STK39: variants seen among roughly 807,000 people sequenced by gnomAD.
STK39 encodes serine/threonine kinase 39.
A neutral mutation model predicts 77.8 loss-of-function variants in STK39; 20 were observed. The observed-to-expected ratio is 0.26, with a 90% CI of 0.18 to 0.37. The LOEUF (loss-of-function observed/expected upper bound fraction) is 0.37, where lower values mean the gene tolerates loss of function less well. Among genes scored for constraint, STK39 ranks in the 10% least tolerant of loss-of-function variants. The pLI is 1.00. For synonymous variants in STK39, 246 were observed against 234.1 expected (o/e 1.05, Z -0.47); for missense variants, 479 against 656.5 (o/e 0.73, Z 2.95).
intron 10 of STK39, among the ~76,000 whole-genome samples, chr2:168,096,930 G>C (rs6705543): frequency 0.32 from 48,806 of 151,996 alleles, 8,092 homozygotes; most frequent in Admixed American, 0.38. Flanking sequence ...CCTTTCAATG[G>C]GTATAAACGT....
At chr2:168,061,261 A>G (rs1386243700) in intron 14 of STK39, among the ~76,000 whole-genome samples, 1 of 151,598 alleles carries the variant, frequency 6.6e-6, no homozygotes, top group Admixed American at 6.6e-5. Flanking sequence ...AAAAAACCAC[A>G]TTATCTTAAT....
At chr2:168,242,848 G>A (rs976213707) in intron 1 of STK39, among the ~76,000 whole-genome samples, 9 of 149,202 alleles carry the variant, frequency 6.0e-5, no homozygotes, top group Non-Finnish European at 8.9e-5. Flanking sequence ...AGGTATGATT[G>A]CACCACTGCA....
At position 168,229,522 on chromosome 2, in the gene STK39, CA is replaced by C. The variant is rs1261914350; in HGVS notation, c.208+17705del. Among the ~76,000 whole-genome samples the C allele has an allele frequency of 2.0e-5, 3 of 152,016 alleles. No individual in the cohort carries two copies. In the East Asian group the frequency reaches 5.8e-4, roughly 29 times the overall value. On this transcript the variant is annotated intron_variant, in intron 1 of 17. Coordinates refer to ENST00000355999, the MANE Select transcript of STK39 (RefSeq NM_013233.3). ...TCTGTAATTCTGTCAGTAACTATTA[CA>C]AAGCTTCTAATATTTCTATCCTAAT...
intron 1 of STK39, among the ~76,000 whole-genome samples, chr2:168,194,002 C>T (rs536538122): frequency 5.3e-5 from 8 of 152,314 alleles, no homozygotes; most frequent in Non-Finnish European, 8.8e-5. Context: ...GATGCCTCGG[C>T]GTCAGGGACA....
chr2:168,228,609 G>A (rs1479930243), intron 1 of STK39, among the ~76,000 whole-genome samples: 2 of 151,932 alleles, frequency 1.3e-5, no homozygotes, highest in South Asian at 2.1e-4. Context: ...TGACCAACAT[G>A]GTGAAACCCC....
intron 1 of STK39, among the ~76,000 whole-genome samples, chr2:168,221,831 G>GATAATTAACC (rs140973674): frequency 0.21 from 31,212 of 151,936 alleles, 3,947 homozygotes; most frequent in Non-Finnish European, 0.29. Context: ...AGAGATGGAG[G>GATAATTAACC]ATAATTAACC....
chr2:168,041,519 G>A (rs1245178253), intron 14 of STK39, among the ~76,000 whole-genome samples: 4 of 151,854 alleles, frequency 2.6e-5, no homozygotes, highest in Non-Finnish European at 5.9e-5. Flanking sequence ...TCTACAGTAT[G>A]TCTGCAAGTG....
intron 10 of STK39, among the ~76,000 whole-genome samples, chr2:168,081,726 C>A (rs532232090): frequency 6.6e-6 from 1 of 152,128 alleles, no homozygotes; most frequent in South Asian, 2.1e-4. Context: ...CCACAGTTCC[C>A]ACATGTCACA....
At chr2:168,057,306 C>A (rs956083399) in intron 14 of STK39, among the ~76,000 whole-genome samples, 1 of 152,184 alleles carries the variant, frequency 6.6e-6, no homozygotes, top group Admixed American at 6.5e-5. Context: ...AATTCTCGTG[C>A]CTCAGCCTCC....
At chr2:168,091,880 C>G (rs912093330) in intron 10 of STK39, among the ~76,000 whole-genome samples, 10 of 152,170 alleles carry the variant, frequency 6.6e-5, no homozygotes, top group African/African-American at 2.4e-4. Context: ...CAGTATGCTT[C>G]TCTGATAAGG....
Position 168,028,107 on chromosome 2 carries a change from C to T in STK39, c.1377-11012G>A, listed in dbSNP as rs144923060. 7.2e-3 allele frequency among the ~76,000 whole-genome samples: 1,093 copies of T among 152,274 alleles called. 10 individuals are homozygous for T. Among genetic ancestry groups the T allele is most frequent in the African/African-American group, 0.025 (1,039 of 41,548 alleles). ...TGGCTGTTTCCTCTCCCTAACCTTA[C>T]CCACTCTTCAACCTAAACAACCATG... On this transcript the variant is annotated intron_variant, in intron 14 of 17. Coordinates refer to ENST00000355999, the MANE Select transcript of STK39 (RefSeq NM_013233.3).
intron 16 of STK39, among the ~76,000 whole-genome samples, chr2:167,986,494 T>C (rs1031493617): frequency 6.6e-6 from 1 of 152,040 alleles, no homozygotes; most frequent in South Asian, 2.1e-4. Flanking sequence ...ATATGAAACA[T>C]AAAAAAAGTG....
chr2:168,090,291 T>TTGAATGAATGAA (rs35981068), intron 10 of STK39, among the ~76,000 whole-genome samples: 1 of 151,514 alleles, frequency 6.6e-6, no homozygotes, highest in East Asian at 2.0e-4. Context: ...GATACATTTG[T>TTGAATGAATGAA]TGAATGAATG....
chr2:168,036,444 T>C (rs4668002), intron 14 of STK39, among the ~76,000 whole-genome samples: 96,546 of 152,036 alleles, frequency 0.64, 32,088 homozygotes, highest in Non-Finnish European at 0.74. Context: ...ACCTAATTTA[T>C]CTTCATTCTG....
At chr2:167,975,643 G>A (rs547451499) in intron 16 of STK39, among the ~76,000 whole-genome samples, 43 of 152,222 alleles carry the variant, frequency 2.8e-4, no homozygotes, top group African/African-American at 8.7e-4. Context: ...GTGAAACCCC[G>A]TCTCTACTAA....
At chr2:168,145,065 G>GC (rs1688100942) in intron 5 of STK39, among the ~76,000 whole-genome samples, 1 of 151,986 alleles carries the variant, frequency 6.6e-6, no homozygotes, top group Non-Finnish European at 1.5e-5. Flanking sequence ...AAGCAGAGGA[G>GC]CTATAACCAT....
intron 16 of STK39, among the ~76,000 whole-genome samples, chr2:167,971,576 A>G (rs1692346312): frequency 6.6e-6 from 1 of 152,232 alleles, no homozygotes. Flanking sequence ...ATGCTTACAC[A>G]TTAGGTACAG....
chr2:168,087,369 C>G (rs1002302112), intron 10 of STK39, among the ~76,000 whole-genome samples: 22 of 152,228 alleles, frequency 1.4e-4, no homozygotes, highest in Non-Finnish European at 8.8e-5. Context: ...CTAGTGCCCA[C>G]AGTTACTCCC....
intron 16 of STK39, among the ~76,000 whole-genome samples, chr2:167,993,112 A>G (rs1205278699): frequency 6.6e-6 from 1 of 152,246 alleles, no homozygotes; most frequent in Non-Finnish European, 1.5e-5. Context: ...AGTTTTCTGA[A>G]GAATCATCTG....
Sources: allele counts gnomAD v4.1 joint callset (sites outside exome capture counted in the v4.1 genomes callset), GRCh38; gene constraint gnomAD v4.1.1; transcripts MANE v1.5; gene names NCBI Gene and HGNC (gene_info 2026-07-23, HGNC 2026-07-21).